WWOX: variants seen among roughly 807,000 people sequenced by gnomAD.
WWOX encodes the protein WW domain containing oxidoreductase, also known as WW domain-containing oxidoreductase.
A neutral mutation model predicts 46.2 loss-of-function variants in WWOX; 69 were observed. That is an observed-to-expected ratio of 1.49 (90% confidence interval 1.23 to 1.82). The LOEUF (loss-of-function observed/expected upper bound fraction) is 1.82. Ranked by LOEUF, WWOX falls within the 40% of genes most tolerant of loss-of-function variation. The pLI is 0.00. For missense variants in WWOX, 919 were observed against 542.6 expected, an observed-to-expected ratio of 1.69 and a Z score of -6.89; for synonymous variants, 359 against 202.6, an observed-to-expected ratio of 1.77 and a Z score of -6.56.
At chr16:78,357,411 A>T (rs547420171) in intron 5 of WWOX, among the ~76,000 whole-genome samples, 2 of 152,172 alleles carry the variant, frequency 1.3e-5, no homozygotes, top group South Asian at 4.1e-4. Context: ...TTCTCTTTCC[A>T]GTGGTGTTTG....
intron 5 of WWOX, among the ~76,000 whole-genome samples, chr16:78,177,306 A>G (rs538465814): frequency 2.0e-5 from 3 of 152,196 alleles, no homozygotes; most frequent in Admixed American, 1.3e-4. Flanking sequence ...TCCAACATCT[A>G]TTACGTGCTA....
chr16:78,335,502 C>G (rs1241459772), intron 5 of WWOX, among the ~76,000 whole-genome samples: 3 of 151,992 alleles, frequency 2.0e-5, no homozygotes. Context: ...ATATATGTAC[C>G]ATATTTTCTT....
At chr16:78,334,836 A>G (rs1425092550) in intron 5 of WWOX, among the ~76,000 whole-genome samples, 31 of 145,140 alleles carry the variant, frequency 2.1e-4, no homozygotes, top group African/African-American at 5.2e-4. Context: ...ACACACATAC[A>G]CACACACACA....
At chr16:78,796,563 T>C (rs2050743088) in intron 8 of WWOX, among the ~76,000 whole-genome samples, 1 of 152,262 alleles carries the variant, frequency 6.6e-6, no homozygotes. Context: ...CTTTCTATTG[T>C]AGATTGCTTA....
intron 8 of WWOX, among the ~76,000 whole-genome samples, chr16:78,510,891 C>T (rs984934869): frequency 6.6e-6 from 1 of 152,196 alleles, no homozygotes; most frequent in African/African-American, 2.4e-5. Flanking sequence ...TGCTTCGGTG[C>T]CTGGCACAGA....
At chr16:78,762,954 A>T (rs1447120211) in intron 8 of WWOX, among the ~76,000 whole-genome samples, 2 of 152,228 alleles carry the variant, frequency 1.3e-5, no homozygotes, top group African/African-American at 4.8e-5. Flanking sequence ...AATCACAACA[A>T]AAGGCTGGGG....
At chr16:78,635,246 A>G (rs1269897002) in intron 8 of WWOX, among the ~76,000 whole-genome samples, 1 of 152,222 alleles carries the variant, frequency 6.6e-6, no homozygotes, top group South Asian at 2.1e-4. Flanking sequence ...AGACCCTTTC[A>G]ATCTAAACCT....
intron 8 of WWOX, among the ~76,000 whole-genome samples, chr16:78,788,278 C>G (rs1023221180): frequency 6.6e-6 from 1 of 152,138 alleles, no homozygotes; most frequent in African/African-American, 2.4e-5. Flanking sequence ...GGGTTCCTGG[C>G]TCATAACTCT....
chr16:79,066,468 G>C (rs1332644048), intron 8 of WWOX, among the ~76,000 whole-genome samples: 1 of 152,104 alleles, frequency 6.6e-6, no homozygotes, highest in African/African-American at 2.4e-5. Context: ...TAGGATCTGT[G>C]GAAGGAAAGA....
chr16:78,228,344 T>C (rs911903594), intron 5 of WWOX, among the ~76,000 whole-genome samples: 48 of 144,768 alleles, frequency 3.3e-4, no homozygotes, highest in East Asian at 1.0e-3. Flanking sequence ...TCTCTCTTTT[T>C]TTTTTTTTTT....
intron 8 of WWOX, among the ~76,000 whole-genome samples, chr16:78,706,338 G>C (rs1241008320): frequency 2.0e-5 from 3 of 152,014 alleles, no homozygotes; most frequent in Non-Finnish European, 2.9e-5. Flanking sequence ...CCAGGCTAAA[G>C]CACCCTTGCC....
intron 8 of WWOX, among the ~76,000 whole-genome samples, chr16:79,113,786 G>T (rs1431834861): frequency 6.6e-6 from 1 of 152,354 alleles, no homozygotes; most frequent in East Asian, 1.9e-4. Flanking sequence ...GGAGGGCAAA[G>T]GAGAGATTTC....
chr16:78,236,443 C>T lies in WWOX; in HGVS notation c.516+72154C>T, dbSNP rs150371677. Among the ~76,000 whole-genome samples, 289 of 152,252 alleles carry T rather than the reference C, an allele frequency of 1.9e-3. 1 individual carries two copies. Among genetic ancestry groups the T allele is most frequent in the African/African-American group, 6.6e-3 (274 of 41,538 alleles). ...GCTTTTTTGACAGACACATTAAGAG[C>T]TTCAAGGGTCATTTCATGGTTTGTC... is the stretch of plus-strand genomic sequence containing the variant. On this transcript the variant is annotated intron_variant, in intron 5 of 8. Coordinates refer to ENST00000566780, the MANE Select transcript of WWOX (RefSeq NM_016373.4).
At chr16:79,196,911 C>T (rs1249612076) in intron 8 of WWOX, among the ~76,000 whole-genome samples, 1 of 152,154 alleles carries the variant, frequency 6.6e-6, no homozygotes, top group Non-Finnish European at 1.5e-5. Flanking sequence ...TTCGGTGTCA[C>T]CCTGAGCATC....
chr16:78,615,611 G>A (rs1353997644), intron 8 of WWOX, among the ~76,000 whole-genome samples: 5 of 151,818 alleles, frequency 3.3e-5, no homozygotes, highest in African/African-American at 9.7e-5. Context: ...AGCTATGTTC[G>A]CACCACTGTA....
chr16:78,847,391 TATAAC>T (rs1391242694), intron 8 of WWOX, among the ~76,000 whole-genome samples: 11 of 152,236 alleles, frequency 7.2e-5, no homozygotes, highest in African/African-American at 2.7e-4. Context: ...TTCATATATT[TATAAC>T]ATATCAGTAT....
chr16:78,651,164 A>G (rs967833910), intron 8 of WWOX, among the ~76,000 whole-genome samples: 4 of 152,332 alleles, frequency 2.6e-5, no homozygotes, highest in Middle Eastern at 3.4e-3. Flanking sequence ...GTTTTCTTAT[A>G]TTTTAAGCAT....
At chr16:78,671,804 A>G (rs529667529) in intron 8 of WWOX, among the ~76,000 whole-genome samples, 1 of 152,354 alleles carries the variant, frequency 6.6e-6, no homozygotes, top group South Asian at 2.1e-4. Context: ...TGCCTTGCTA[A>G]TAAAAAGGGA....
chr16:78,232,802 A>G (rs543761068), intron 5 of WWOX, among the ~76,000 whole-genome samples: 1 of 152,126 alleles, frequency 6.6e-6, no homozygotes, highest in East Asian at 1.9e-4. Flanking sequence ...CAAGAAATTA[A>G]AAAGGAATGA....
Sources: allele counts gnomAD v4.1 joint callset (sites outside exome capture counted in the v4.1 genomes callset), GRCh38; gene constraint gnomAD v4.1.1; transcripts MANE v1.5; gene names NCBI Gene and HGNC (gene_info 2026-07-23, HGNC 2026-07-21).